GPC3: variants seen among roughly 807,000 people sequenced by gnomAD.
The protein encoded by GPC3 is glypican-3.
GPC3 carries 3 observed loss-of-function variants against 34.4 expected under a neutral mutation model. The observed-to-expected ratio is 0.09, with a 90% CI of 0.04 to 0.23. The LOEUF is 0.23. Ranked by LOEUF, GPC3 falls within the 10% of genes least tolerant of loss-of-function variation. The probability of loss-of-function intolerance (pLI) is 1.00; values close to 1 mark genes in which losing one functional copy is unlikely to be tolerated. For synonymous variants in GPC3, 177 were observed against 174.0 expected, an observed-to-expected ratio of 1.02 and a Z score of -0.13; for missense variants, 351 against 445.6, an observed-to-expected ratio of 0.79 and a Z score of 1.91.
At chrX:133,854,982 C>T (rs1164982912) in intron 2 of GPC3, among the ~76,000 whole-genome samples, 1 of 112,041 alleles carries the variant, frequency 8.9e-6, no homozygotes, top group African/African-American at 3.2e-5. Context: ...TATATATATA[C>T]AGCATAATCA....
At chrX:133,952,088 T>C (rs891282046) in intron 2 of GPC3, among the ~76,000 whole-genome samples, 26 of 110,768 alleles carry the variant, frequency 2.3e-4, no homozygotes, top group African/African-American at 8.5e-4. Context: ...ACTAATTAAT[T>C]GTGAATACCC....
intron 2 of GPC3, among the ~76,000 whole-genome samples, chrX:133,830,671 T>C (rs1172539265): frequency 5.4e-5 from 3 of 55,849 alleles, no homozygotes; most frequent in African/African-American, 1.5e-4. Flanking sequence ...AAAGCGAGAC[T>C]CCATCTCAAA....
At chrX:133,949,392 G>C (rs1049691351) in intron 2 of GPC3, among the ~76,000 whole-genome samples, 5 of 111,119 alleles carry the variant, frequency 4.5e-5, no homozygotes, top group Non-Finnish European at 9.4e-5. Flanking sequence ...TGAGTTCTTG[G>C]ATCCCCCCCT....
At chrX:133,698,466 C>A (rs1200508569) in intron 4 of GPC3, among the ~76,000 whole-genome samples, 2 of 111,994 alleles carry the variant, frequency 1.8e-5, no homozygotes, top group Non-Finnish European at 3.8e-5. Flanking sequence ...TGGGGGCAGA[C>A]AAAACAAACA....
intron 6 of GPC3, among the ~76,000 whole-genome samples, chrX:133,656,627 C>T (rs1171380192): frequency 4.5e-5 from 5 of 111,841 alleles, no homozygotes; most frequent in Non-Finnish European, 9.4e-5. Flanking sequence ...TAACATGATT[C>T]GAAAACAGGT....
intron 2 of GPC3, among the ~76,000 whole-genome samples, chrX:133,845,060 C>T (rs1321159636): frequency 9.0e-6 from 1 of 111,614 alleles, no homozygotes; most frequent in African/African-American, 3.3e-5. Flanking sequence ...CACAGTCCTC[C>T]TTGGTGGGAG....
At chrX:133,545,023 G>A (rs1675704570) in intron 7 of GPC3, among the ~76,000 whole-genome samples, 1 of 111,653 alleles carries the variant, frequency 9.0e-6, no homozygotes, top group Middle Eastern at 4.2e-3. Flanking sequence ...TCTTGCCTGA[G>A]GCTGCCTAAC....
chrX:133,935,423 T>G (rs1014168600), intron 2 of GPC3, among the ~76,000 whole-genome samples: 9 of 111,480 alleles, frequency 8.1e-5, no homozygotes, highest in African/African-American at 2.3e-4. Context: ...GAAAGAATTG[T>G]GCAGGACAGC....
At chrX:133,839,927 CAAAA>C (rs138981758) in intron 2 of GPC3, among the ~76,000 whole-genome samples, 8 of 50,087 alleles carry the variant, frequency 1.6e-4, no homozygotes, top group African/African-American at 3.1e-4. Context: ...GACTCCGTTT[CAAAA>C]AAAAAAAAAA....
At chrX:133,837,053 T>C (rs1029493107) in intron 2 of GPC3, among the ~76,000 whole-genome samples, 1 of 111,888 alleles carries the variant, frequency 8.9e-6, no homozygotes, top group African/African-American at 3.3e-5. Context: ...CATTGCAGTA[T>C]AATAAATATA....
intron 1 of GPC3, among the ~76,000 whole-genome samples, chrX:133,955,819 T>C (rs1189108167): frequency 2.7e-5 from 3 of 112,186 alleles, no homozygotes; most frequent in African/African-American, 9.7e-5. Flanking sequence ...AGAAAGCATA[T>C]TCAGACATTT....
chrX:133,762,859 G>A, intron 2 of GPC3: 1 of 536,921 alleles, frequency 1.9e-6, no homozygotes, highest in Non-Finnish European at 3.4e-6. Context: ...CCTTGCAGCA[G>A]GAACCCACTT....
chrX:133,704,773 T>C (rs975763434), intron 3 of GPC3, among the ~76,000 whole-genome samples: 5 of 111,211 alleles, frequency 4.5e-5, no homozygotes, highest in Admixed American at 3.9e-4. Flanking sequence ...TTTCTTGTTT[T>C]TGAAGTTTTC....
chrX:133,538,299 C>G (rs1258556775), intron 7 of GPC3, among the ~76,000 whole-genome samples: 1 of 112,245 alleles, frequency 8.9e-6, no homozygotes, highest in African/African-American at 3.2e-5. Context: ...AGGTCATGAT[C>G]GGGTTTCACC....
At chrX:133,871,370 T>C (rs2075993261) in intron 2 of GPC3, among the ~76,000 whole-genome samples, 1 of 112,022 alleles carries the variant, frequency 8.9e-6, no homozygotes, top group Non-Finnish European at 1.9e-5. Context: ...TTCCTCAATG[T>C]TTCTTACATC....
At chrX:133,784,305 T>C (rs1463929113) in intron 2 of GPC3, among the ~76,000 whole-genome samples, 2 of 111,797 alleles carry the variant, frequency 1.8e-5, no homozygotes, top group East Asian at 5.6e-4. Context: ...TTTGCAGAAG[T>C]TACACTTTAA....
chrX:133,873,412 G>A (rs1215447957), intron 2 of GPC3, among the ~76,000 whole-genome samples: 3 of 111,685 alleles, frequency 2.7e-5, no homozygotes, highest in Non-Finnish European at 5.6e-5. Context: ...CATCCCCCAA[G>A]CCCCAAGAAT....
chrX:133,815,402 T>C (rs2075685849), intron 2 of GPC3, among the ~76,000 whole-genome samples: 1 of 110,719 alleles, frequency 9.0e-6, no homozygotes, highest in Non-Finnish European at 1.9e-5. Flanking sequence ...GTAGAACTTA[T>C]CCTTGCATTC....
rs750138489 is a variant in GPC3, at chrX:133,536,263, G to A, written c.1604C>T (p.Ala535Val). The A allele has an allele frequency of 8.3e-6, 10 of 1,201,717 alleles. No homozygotes were observed. The East Asian group carries it at 2.4e-4, about 29-fold the overall frequency. ...ELAYDLDVDD[A>V]PGNSQQATPK... is the part of the protein sequence containing the mutation. ...AGTTGCCTGCTGACTGTTTCCAGGC[G>A]CATCATCCACATCCAGATCATAGGC... The change falls in exon 8 of 8, where the codon GCG (alanine) becomes GTG (valine). Residue 535 changes from alanine to valine, a missense_variant. Physicochemically the swap from Ala to Val is moderately conservative, Grantham distance 64 (BLOSUM62 0). Coordinates refer to ENST00000370818, the MANE Select transcript of GPC3 (RefSeq NM_004484.4).
Sources: allele counts gnomAD v4.1 joint callset (sites outside exome capture counted in the v4.1 genomes callset), GRCh38; gene constraint gnomAD v4.1.1; transcripts MANE v1.5; gene names NCBI Gene and HGNC (gene_info 2026-07-23, HGNC 2026-07-21).